IL1RAPL1: variants seen among roughly 807,000 people sequenced by gnomAD.
The protein encoded by IL1RAPL1 is interleukin-1 receptor accessory protein-like 1.
Under a neutral mutation model 48.4 loss-of-function variants are expected in IL1RAPL1, and 3 were observed. The observed-to-expected ratio is 0.06, with a 90% CI of 0.03 to 0.16. IL1RAPL1 has a LOEUF of 0.16. Among genes scored for constraint, IL1RAPL1 ranks in the 10% least tolerant of loss-of-function variants. The pLI is 1.00. For synonymous variants in IL1RAPL1, 185 were observed against 187.7 expected, an observed-to-expected ratio of 0.99 and a Z score of 0.12; for missense variants, 349 against 530.6, an observed-to-expected ratio of 0.66 and a Z score of 3.36.
At chrX:29,474,853 C>G (rs187278299) in intron 5 of IL1RAPL1, among the ~76,000 whole-genome samples, 7 of 111,268 alleles carry the variant, frequency 6.3e-5, no homozygotes, top group Admixed American at 9.6e-5. Context: ...GAATACACAT[C>G]CAAACCATAT....
intron 2 of IL1RAPL1, among the ~76,000 whole-genome samples, chrX:29,134,952 A>C (rs1038694427): frequency 3.6e-5 from 4 of 112,191 alleles, no homozygotes; most frequent in African/African-American, 1.3e-4. Context: ...TATTATTTTG[A>C]AACAAATATC....
intron 2 of IL1RAPL1, among the ~76,000 whole-genome samples, chrX:29,072,478 G>A (rs774182018): frequency 9.0e-5 from 10 of 111,421 alleles, no homozygotes; most frequent in Admixed American, 8.6e-4. Flanking sequence ...ACTTAGTCAC[G>A]TTGGTTTTAA....
intron 6 of IL1RAPL1, among the ~76,000 whole-genome samples, chrX:29,803,290 TATATGTATACATATAC>T: frequency 3.6e-5 from 1 of 28,048 alleles, no homozygotes; most frequent in Non-Finnish European, 7.1e-5. Flanking sequence ...CACACATGTA[TATATGTATACATATAC>T]ACACATGTAT....
At chrX:29,373,836 T>C (rs1933578250) in intron 3 of IL1RAPL1, among the ~76,000 whole-genome samples, 1 of 106,942 alleles carries the variant, frequency 9.4e-6, no homozygotes, top group Non-Finnish European at 1.9e-5. Flanking sequence ...TTTTAATTTT[T>C]AATGTTTTGT....
intron 2 of IL1RAPL1, among the ~76,000 whole-genome samples, chrX:29,058,622 C>T (rs1396352127): frequency 8.9e-6 from 1 of 111,993 alleles, no homozygotes; most frequent in Non-Finnish European, 1.9e-5. Context: ...CCAGGTACTA[C>T]AGTCTGTCTC....
chrX:29,750,621 C>T (rs566772722), intron 6 of IL1RAPL1, among the ~76,000 whole-genome samples: 4 of 111,671 alleles, frequency 3.6e-5, no homozygotes, highest in African/African-American at 6.5e-5. Context: ...GGTATTGATA[C>T]GCCTACAAGT....
At chrX:29,317,955 T>C (rs990794347) in intron 3 of IL1RAPL1, among the ~76,000 whole-genome samples, 1 of 111,926 alleles carries the variant, frequency 8.9e-6, no homozygotes. Flanking sequence ...GCTTGGGAAG[T>C]AAGCAATATT....
At chrX:28,704,211 A>G (rs1178386356) in intron 1 of IL1RAPL1, among the ~76,000 whole-genome samples, 2 of 111,268 alleles carry the variant, frequency 1.8e-5, no homozygotes, top group Non-Finnish European at 3.8e-5. Flanking sequence ...ATGGCAACTA[A>G]TATCACTTGT....
At chrX:29,490,384 T>G (rs1177376592) in intron 5 of IL1RAPL1, among the ~76,000 whole-genome samples, 4 of 109,450 alleles carry the variant, frequency 3.7e-5, no homozygotes, top group Admixed American at 2.0e-4. Context: ...AATACAAAAA[T>G]TAGTCATGTG....
At chrX:28,905,186 T>G (rs1923185587) in intron 2 of IL1RAPL1, among the ~76,000 whole-genome samples, 1 of 111,555 alleles carries the variant, frequency 9.0e-6, no homozygotes, top group African/African-American at 3.2e-5. Flanking sequence ...TGCATTATTA[T>G]TATCACTACT....
intron 8 of IL1RAPL1, among the ~76,000 whole-genome samples, chrX:29,927,549 A>G (rs1339622534): frequency 1.8e-5 from 2 of 111,623 alleles, no homozygotes; most frequent in Non-Finnish European, 3.8e-5. Context: ...TTCTTCAAGT[A>G]TTCAAATAAT....
intron 2 of IL1RAPL1, among the ~76,000 whole-genome samples, chrX:29,064,552 T>TTTTTTG (rs200109419): frequency 0.12 from 13,555 of 108,857 alleles, 847 homozygotes; most frequent in East Asian, 0.25. Context: ...TTTGTTGTTG[T>TTTTTTG]TTTTTGTTTT....
At chrX:29,264,970 T>C (rs1931926548) in intron 2 of IL1RAPL1, among the ~76,000 whole-genome samples, 1 of 111,745 alleles carries the variant, frequency 8.9e-6, no homozygotes, top group Non-Finnish European at 1.9e-5. Context: ...TGGAGTGCAG[T>C]GGCGCTATCT....
intron 2 of IL1RAPL1, among the ~76,000 whole-genome samples, chrX:29,113,859 A>G (rs1472190470): frequency 9.0e-6 from 1 of 111,357 alleles, no homozygotes; most frequent in Non-Finnish European, 1.9e-5. Flanking sequence ...TCTAATTTTT[A>G]TCTTTTATTT....
chrX:29,907,920 A>G (rs1932673360), intron 6 of IL1RAPL1, among the ~76,000 whole-genome samples: 1 of 111,644 alleles, frequency 9.0e-6, no homozygotes, highest in African/African-American at 3.3e-5. Context: ...CATGGATGAT[A>G]ATGATTTCTA....
chrX:29,920,424 A>G (rs1896133647), intron 8 of IL1RAPL1, among the ~76,000 whole-genome samples: 1 of 111,708 alleles, frequency 9.0e-6, no homozygotes, highest in African/African-American at 3.3e-5. Flanking sequence ...TCAGAATAAA[A>G]TAAGACAAAA....
intron 2 of IL1RAPL1, among the ~76,000 whole-genome samples, chrX:29,117,300 C>T (rs1928696721): frequency 8.9e-6 from 1 of 111,862 alleles, no homozygotes; most frequent in African/African-American, 3.2e-5. Context: ...GACGACCATA[C>T]TGTCTATACA....
At chrX:29,454,164 A>G (rs1419953885) in intron 5 of IL1RAPL1, among the ~76,000 whole-genome samples, 1 of 112,495 alleles carries the variant, frequency 8.9e-6, no homozygotes, top group Non-Finnish European at 1.9e-5. Flanking sequence ...GATTTGCCAT[A>G]GTGAGGTACG....
At chrX:28,669,611 C>CT (rs989395759) in intron 1 of IL1RAPL1, among the ~76,000 whole-genome samples, 5 of 103,267 alleles carry the variant, frequency 4.8e-5, no homozygotes, top group Admixed American at 1.1e-4. Flanking sequence ...GAGTGAGAGG[C>CT]TCTATCTCAA....
Sources: allele counts gnomAD v4.1 joint callset (sites outside exome capture counted in the v4.1 genomes callset), GRCh38; gene constraint gnomAD v4.1.1; transcripts MANE v1.5; gene names NCBI Gene and HGNC (gene_info 2026-07-23, HGNC 2026-07-21).